The following ZNF782 variants were observed in gnomAD, a reference collection of about 807,000 sequenced individuals.
The protein encoded by ZNF782 is zinc finger protein 782.
Under a neutral mutation model 13.0 loss-of-function variants are expected in ZNF782, and 12 were observed. That is an observed-to-expected ratio of 0.92 (90% CI 0.59 to 1.50). The LOEUF (loss-of-function observed/expected upper bound fraction) is 1.50, where lower values mean the gene tolerates loss of function less well. Ranked by LOEUF, ZNF782 falls within the 40% of genes most tolerant of loss-of-function variation. ZNF782 has a pLI of 0.00. For missense variants in ZNF782, 770 were observed against 822.9 expected (o/e 0.94, Z 0.79); for synonymous variants, 284 against 283.0 (o/e 1.00, Z -0.04).
chr9:96,908,138 T>TG, the ZNF782 span, among the ~76,000 whole-genome samples: 1 of 151,786 alleles, frequency 6.6e-6, no homozygotes, highest in African/African-American at 2.4e-5. Context: ...CCCAGGCCAG[T>TG]GCCTAACTAC....
Position 96,818,906 on chromosome 9 carries a change from T to C in ZNF782, c.1117A>G (p.Lys373Glu), listed in dbSNP as rs759267920. The change falls in exon 6 of 6, where the codon AAA (lysine) becomes GAA (glutamate). Residue 373 changes from lysine to glutamate, a missense_variant. By Grantham distance (56) the Lys-to-Glu change is moderately conservative. Transcript: ENST00000481138. The part of the protein sequence containing the change: ...AKPYEYNECG[K>E]SCSMNSHLIW... ...AAGTGTGAATTCATAGAGCAGGATT[T>C]CCCACATTCATTATACTCATAGGGT... 9 of 1,614,096 alleles carry C rather than the reference T, an allele frequency of 5.6e-6. No individual in the cohort carries two copies. The highest frequency in any genetic ancestry group is 7.6e-6 in the Non-Finnish European group (9 of 1,180,036).
chr9:96,915,275 G>A, the ZNF782 span, among the ~76,000 whole-genome samples: 3 of 152,206 alleles, frequency 2.0e-5, 1 homozygote, highest in East Asian at 1.9e-4. Context: ...CTAGCAAATC[G>A]TGCCTGCTCT....
chr9:96,827,014 C>T (rs7848710), intron 5 of ZNF782, 66 bp downstream of exon 5: 74,538 of 1,031,022 alleles, frequency 0.072, 11,411 homozygotes, highest in African/African-American at 0.48. Context: ...TATGACTATA[C>T]GCTGAGTTGT....
At chr9:96,908,364 G>A in the ZNF782 span, among the ~76,000 whole-genome samples, 4 of 152,242 alleles carry the variant, frequency 2.6e-5, no homozygotes, top group African/African-American at 9.7e-5. Flanking sequence ...GCACTTGAGT[G>A]CCCAGGCACT....
At chr9:96,876,959 AAAAAAAAAAAAAAAG>A (rs1175456718), upstream of ZNF782, among the ~76,000 whole-genome samples, 1 of 145,298 alleles carries the variant, frequency 6.9e-6, no homozygotes, top group African/African-American at 2.7e-5. Context: ...AAAAAAAAAA[AAAAAAAAAAAAAAAG>A]AAGAAGAAGA....
rs145978554 is a variant in ZNF782, at chr9:96,841,995, G to A, written c.142+2895C>T. 5.7e-3 allele frequency among the ~76,000 whole-genome samples: 860 copies of A among 152,046 alleles called. 10 individuals carry two copies. Among genetic ancestry groups the A allele is most frequent in the African/African-American group, 0.019 (802 of 41,552 alleles). On this transcript the variant is annotated intron_variant, in intron 4 of 5. Transcript: ENST00000481138. ...ACAAAAAGCCTCCCTAGAAAGTTCA[G>A]CAAGATCTCAGCATAAAAGAACAAA...
chr9:96,844,996 G>A lies in ZNF782; in HGVS notation c.36C>T (p.Asp12=), dbSNP rs759392365. Residue 12 remains aspartate (D), a synonymous_variant, in exon 4 of 6, where the codon GAC becomes GAT. Coordinates refer to ENST00000481138, the MANE Select transcript of ZNF782 (RefSeq NM_001001662.3). ...CCTCCTGGCTGAATTCCACAGTCACGTCCTGGAATGACACTGATGCCTGTA... is the reference window on the plus strand; with the variant it reads ...CCTCCTGGCTGAATTCCACAGTCACATCCTGGAATGACACTGATGCCTGTA... ...NTFQASVSFQ[D]VTVEFSQEEW... is the part of the protein sequence containing the mutation. The A allele has an allele frequency of 1.4e-5, 23 of 1,613,820 alleles. No homozygotes were observed. The highest frequency in any genetic ancestry group is 1.2e-4 in the Admixed American group (7 of 59,984).
chr9:96,877,858 T>C (rs1260174593), upstream of ZNF782, among the ~76,000 whole-genome samples: 1 of 152,226 alleles, frequency 6.6e-6, no homozygotes, highest in African/African-American at 2.4e-5. Flanking sequence ...AACAACTTAA[T>C]TGGCTTATTA....
At chr9:96,826,220 T>C (rs910253573) in intron 5 of ZNF782, among the ~76,000 whole-genome samples, 15 of 152,098 alleles carry the variant, frequency 9.9e-5, no homozygotes, top group African/African-American at 3.4e-4. Context: ...TATGCAGCCA[T>C]TAAAAATGAT....
In ZNF782 at chr9:96,818,601, C is replaced by T; in HGVS notation, c.1422G>A (p.Gly474=). 1 of 1,614,118 alleles carries T rather than the reference C, an allele frequency of 6.2e-7. No individual in the cohort carries two copies. Among genetic ancestry groups the T allele is most frequent in the Non-Finnish European group, 8.5e-7 (1 of 1,180,010 alleles). Residue 474 remains glycine (G), a synonymous_variant, in exon 6 of 6, where the codon GGG becomes GGA. Transcript: ENST00000481138. ...ILIVHQRTHT[G]EKPFECNECG... is the part of the protein sequence containing the mutation. Reference sequence around the variant, plus strand: ...ATTCATTACATTCAAAAGGTTTCTCCCCTGTGTGAGTTCTCTGATGCACTA... The same window carrying T: ...ATTCATTACATTCAAAAGGTTTCTCTCCTGTGTGAGTTCTCTGATGCACTA...
At chr9:96,896,362 A>T in the ZNF782 span, among the ~76,000 whole-genome samples, 3 of 152,184 alleles carry the variant, frequency 2.0e-5, no homozygotes, top group Non-Finnish European at 4.4e-5. Context: ...TCCCTTCTAT[A>T]TCAATCGCAC....
chr9:96,840,341 T>G (rs1375999993), intron 4 of ZNF782, among the ~76,000 whole-genome samples: 2 of 152,054 alleles, frequency 1.3e-5, no homozygotes, highest in Non-Finnish European at 2.9e-5. Context: ...TATTTCCTTA[T>G]TTAGCTTATT....
intron 1 of ZNF782, among the ~76,000 whole-genome samples, chr9:96,864,877 T>TAAAA (rs35546553): frequency 3.7e-4 from 34 of 92,818 alleles, no homozygotes; most frequent in African/African-American, 1.2e-3. Flanking sequence ...CAAAAAGAAC[T>TAAAA]AAAAAAAAAA....
At chr9:96,837,352 TCA>T (rs1488014928) in intron 4 of ZNF782, among the ~76,000 whole-genome samples, 2 of 152,376 alleles carry the variant, frequency 1.3e-5, no homozygotes, top group African/African-American at 4.8e-5. Context: ...TCCTTTATAA[TCA>T]GTTTTATTTC....
the ZNF782 span, among the ~76,000 whole-genome samples, chr9:96,916,714 G>A: frequency 2.0e-5 from 3 of 151,640 alleles, no homozygotes; most frequent in Non-Finnish European, 4.4e-5. Flanking sequence ...CGGAGGCTGG[G>A]CTCATCCCAC....
the ZNF782 span, among the ~76,000 whole-genome samples, chr9:96,923,439 C>A: frequency 6.9e-6 from 1 of 144,830 alleles, no homozygotes; most frequent in East Asian, 2.8e-4. Context: ...CATGGATCTG[C>A]CCTCACACAT....
chr9:96,849,227 T>G (rs1474975294), intron 3 of ZNF782, among the ~76,000 whole-genome samples: 3 of 152,006 alleles, frequency 2.0e-5, no homozygotes, highest in African/African-American at 4.8e-5. Flanking sequence ...ATTAGTTAGA[T>G]TCTCATAAGA....
the ZNF782 span, chr9:96,893,294 CT>C: frequency 6.6e-6 from 1 of 152,158 alleles, no homozygotes; most frequent in African/African-American, 2.4e-5. Flanking sequence ...AAACTTTGAA[CT>C]TTCTTATCAT....
At chr9:96,930,872 G>GTTTTTTTT in the ZNF782 span, among the ~76,000 whole-genome samples, 28 of 72,724 alleles carry the variant, frequency 3.9e-4, 12 homozygotes, top group East Asian at 1.4e-3. Context: ...CCATCCAGTG[G>GTTTTTTTT]TTTTTTTTTT....
Sources: gnomAD v4.1 joint callset for allele counts (sites outside exome capture counted in the v4.1 genomes callset) on GRCh38, gnomAD v4.1.1 for gene constraint, MANE v1.5 for transcripts, NCBI Gene and HGNC (gene_info 2026-07-23, HGNC 2026-07-21) for gene names.